The following B3GALT5 variants were observed in gnomAD, a reference collection of about 807,000 sequenced individuals.
B3GALT5 encodes the protein beta-1,3-galactosyltransferase 5, also known as UDP-Gal:betaGlcNAc beta 1,3-galactosyltransferase, polypeptide 5.
For missense variants in B3GALT5, 328 were observed against 396.6 expected, an observed-to-expected ratio of 0.83 and a Z score of 1.47; for synonymous variants, 156 against 158.6, an observed-to-expected ratio of 0.98 and a Z score of 0.12.
intron 1 of B3GALT5, among the ~76,000 whole-genome samples, chr21:39,640,157 T>A (rs1488258405): frequency 6.6e-6 from 1 of 152,036 alleles, no homozygotes; most frequent in African/African-American, 2.4e-5. Context: ...TCGCCTGAGC[T>A]CTCACTCTTA....
At chr21:39,624,217 A>G (rs1216797295) in intron 1 of B3GALT5, among the ~76,000 whole-genome samples, 1 of 152,116 alleles carries the variant, frequency 6.6e-6, no homozygotes, top group East Asian at 1.9e-4. Context: ...CCTTTTCTGC[A>G]TTCGCTCCCC....
chr21:39,669,004 ACTAT>A lies in B3GALT5; in HGVS notation c.*7518_*7521del, dbSNP rs1602317353. ...TGGATTCTATGGTGGTGTATACAGC[ACTAT>A]CTATCAGTGTACCTGTCAGTGTCTG... On this transcript the variant is annotated 3_prime_UTR_variant, in exon 4 of 4. Coordinates refer to ENST00000684187, the MANE Select transcript of B3GALT5 (RefSeq NM_001356336.2). 1 of 152,364 alleles carries A rather than the reference ACTAT, an allele frequency of 6.6e-6. No homozygotes were observed. The highest frequency in any genetic ancestry group is 1.5e-5 in the Non-Finnish European group (1 of 68,048). The allele number at this position is 152,364 out of a possible 1,614,324, so 9.4% of individuals were successfully genotyped here.
At chr21:39,643,371 T>C (rs941817835) in intron 1 of B3GALT5, among the ~76,000 whole-genome samples, 2 of 151,194 alleles carry the variant, frequency 1.3e-5, no homozygotes, top group African/African-American at 4.9e-5. Context: ...TGAGCCAAGA[T>C]TGCGCCACTG....
intron 2 of B3GALT5, among the ~76,000 whole-genome samples, chr21:39,652,703 A>G (rs1264802298): frequency 6.6e-6 from 1 of 152,244 alleles, no homozygotes; most frequent in East Asian, 1.9e-4. Flanking sequence ...CATCATAGCA[A>G]ACTTCACAGT....
intron 1 of B3GALT5, among the ~76,000 whole-genome samples, chr21:39,645,852 T>A (rs1180156977): frequency 1.3e-5 from 2 of 151,984 alleles, no homozygotes; most frequent in Non-Finnish European, 2.9e-5. Flanking sequence ...CCGGGGCAGA[T>A]CGCTTTGTTA....
chr21:39,654,632 A>G (rs1466913403), intron 2 of B3GALT5, among the ~76,000 whole-genome samples: 3 of 152,230 alleles, frequency 2.0e-5, no homozygotes, highest in Admixed American at 1.3e-4. Flanking sequence ...AGAGAAATCT[A>G]TCATGAAAGG....
chr21:39,652,400 C>A (rs2079404374), intron 2 of B3GALT5, among the ~76,000 whole-genome samples: 1 of 152,244 alleles, frequency 6.6e-6, no homozygotes, highest in South Asian at 2.1e-4. Flanking sequence ...TACTGCTGGG[C>A]ATGCAGCACT....
At position 39,639,400 on chromosome 21, in the gene B3GALT5, T is replaced by TTTTCTTTCTTTCTTTC. The variant is rs71330377; in HGVS notation, c.-391-6952_-391-6937dup. Among the ~76,000 whole-genome samples, 488 of 57,080 alleles carry TTTTCTTTCTTTCTTTC rather than the reference T, an allele frequency of 8.5e-3. 13 individuals are homozygous for TTTTCTTTCTTTCTTTC. The highest frequency in any genetic ancestry group is 0.01 in the Non-Finnish European group (290 of 28,922). 37.4% of individuals were successfully genotyped at this position (57,080 alleles called of 152,430 possible). A position where few individuals can be genotyped will look rare whatever the true frequency, so the allele number is the denominator to read the frequency against. On this transcript the variant is annotated intron_variant, in intron 1 of 3. Transcript: ENST00000684187. ...CTTCCTTCCTTCCTTCCTTCTTTCTTTTTCTTTCTTTCTTTCTTTCTTTCT... is the reference window on the plus strand; with the variant it reads ...CTTCCTTCCTTCCTTCCTTCTTTCTTTTTCTTTCTTTCTTTCTTTCTTTCTTTCTTTCTTTCTTTCT...
At position 39,671,915 on chromosome 21, in the gene B3GALT5, C is replaced by G. The variant is rs1431928423; in HGVS notation, c.*10423C>G. 1 of 152,150 alleles carries G rather than the reference C, an allele frequency of 6.6e-6. No individual in the cohort carries two copies. The highest frequency in any genetic ancestry group is 1.5e-5 in the Non-Finnish European group (1 of 68,028). 9.4% of individuals were successfully genotyped at this position (152,150 alleles called of 1,614,324 possible). On this transcript the variant is annotated 3_prime_UTR_variant, in exon 4 of 4. Coordinates refer to ENST00000684187, the MANE Select transcript of B3GALT5 (RefSeq NM_001356336.2). ...CCTCTGCACAGGGCAAGAGCCACGC[C>G]AACAGGAGGAAGTTGGAGTGCATCC...
At chr21:39,658,020 G>GC (rs2079465887) in intron 2 of B3GALT5, 1 of 826,270 alleles carries the variant, frequency 1.2e-6, no homozygotes, top group African/African-American at 1.8e-5. Flanking sequence ...GACACAGGCT[G>GC]CCCTTTCCAG....
At chr21:39,624,784 T>G (rs2079155193) in intron 1 of B3GALT5, among the ~76,000 whole-genome samples, 2 of 152,132 alleles carry the variant, frequency 1.3e-5, no homozygotes. Flanking sequence ...TCTTTGCTAG[T>G]TGTTAGCTAA....
At chr21:39,654,214 C>T (rs1334456249) in intron 2 of B3GALT5, among the ~76,000 whole-genome samples, 1 of 152,198 alleles carries the variant, frequency 6.6e-6, no homozygotes, top group East Asian at 1.9e-4. Context: ...AGTTGCTTCC[C>T]AAGTAGCTGG....
intron 1 of B3GALT5, among the ~76,000 whole-genome samples, chr21:39,619,091 G>C (rs1472651669): frequency 2.6e-5 from 2 of 77,992 alleles, no homozygotes; most frequent in African/African-American, 5.1e-5. Context: ...GTGTAGATCT[G>C]TTTTGAGGCT....
chr21:39,623,201 TCCTCCCTCCCTCCCTC>T (rs1233817989), intron 1 of B3GALT5, among the ~76,000 whole-genome samples: 13 of 54,270 alleles, frequency 2.4e-4, no homozygotes, highest in East Asian at 1.9e-3. Flanking sequence ...CCTCCCTCCT[TCCTCCCTCCCTCCCTC>T]CCTCCCTCCC....
chr21:39,646,210 A>G (rs945486460), intron 1 of B3GALT5, among the ~76,000 whole-genome samples, 182 bp from the exon 2 acceptor site: 2 of 152,052 alleles, frequency 1.3e-5, no homozygotes, highest in African/African-American at 4.8e-5. Flanking sequence ...ACTCCTGAGG[A>G]GTTGCCTTTG....
chr21:39,644,667 C>A (rs1351783101), intron 1 of B3GALT5, among the ~76,000 whole-genome samples: 1 of 152,152 alleles, frequency 6.6e-6, no homozygotes, highest in Non-Finnish European at 1.5e-5. Flanking sequence ...TTGTTATGCA[C>A]AAGGAGGGAA....
At chr21:39,650,099 T>C (rs970174556) in intron 2 of B3GALT5, among the ~76,000 whole-genome samples, 7 of 151,862 alleles carry the variant, frequency 4.6e-5, no homozygotes, top group African/African-American at 1.7e-4. Flanking sequence ...CCAGGGGAGG[T>C]GATCAGAAGA....
chr21:39,641,293 T>A (rs1465394766), intron 1 of B3GALT5, among the ~76,000 whole-genome samples: 1 of 152,230 alleles, frequency 6.6e-6, no homozygotes, highest in Non-Finnish European at 1.5e-5. Flanking sequence ...TGTTTATGCC[T>A]GGGATTTCCA....
In B3GALT5 at chr21:39,662,168, G is replaced by C. The variant is rs1041050694; in HGVS notation, c.*676G>C. ...AGGAAATGTCCCCGCAGTGGATGCA[G>C]CTCACATGCTGAGGAACACCCAGCT... On this transcript the variant is annotated 3_prime_UTR_variant, in exon 4 of 4. Transcript: ENST00000684187. 1.2e-5 allele frequency: 2 copies of C among 167,112 alleles called. No homozygotes were observed. Among genetic ancestry groups the C allele is most frequent in the East Asian group, 3.9e-4 (2 of 5,184 alleles). The allele number at this position is 167,112 out of a possible 1,614,324, so 10.4% of individuals were successfully genotyped here.
Sources: allele counts gnomAD v4.1 joint callset (sites outside exome capture counted in the v4.1 genomes callset), GRCh38; gene constraint gnomAD v4.1.1; transcripts MANE v1.5; gene names NCBI Gene and HGNC (gene_info 2026-07-23, HGNC 2026-07-21).